The following MAN2A1 variants were observed in gnomAD, a reference collection of about 807,000 sequenced individuals.
MAN2A1 encodes the protein alpha-mannosidase 2.
MAN2A1 carries 76 observed loss-of-function variants against 142.6 expected under a neutral mutation model. The ratio of observed to expected loss-of-function variants is 0.53; its 90% CI spans 0.44 to 0.65. MAN2A1 has a LOEUF of 0.65. Ranked by LOEUF, MAN2A1 falls within the 30% of genes least tolerant of loss-of-function variation. The probability of loss-of-function intolerance (pLI) is 0.00; values close to 1 mark genes in which losing one functional copy is unlikely to be tolerated. For synonymous variants in MAN2A1, 559 were observed against 473.2 expected (o/e 1.18, Z -2.35); for missense variants, 1,311 against 1,365.1 (o/e 0.96, Z 0.62).
At chr5:109,858,613 C>T (rs958570643) in intron 20 of MAN2A1, among the ~76,000 whole-genome samples, 1 of 152,172 alleles carries the variant, frequency 6.6e-6, no homozygotes, top group Non-Finnish European at 1.5e-5. Context: ...GACATAGGTT[C>T]CAAGCAAGAC....
At chr5:109,815,459 C>A (rs1754428864) in intron 12 of MAN2A1, among the ~76,000 whole-genome samples, 1 of 152,182 alleles carries the variant, frequency 6.6e-6, no homozygotes. Flanking sequence ...CATATGGAAT[C>A]TCAGTGAACA....
intron 1 of MAN2A1, among the ~76,000 whole-genome samples, chr5:109,700,736 C>T (rs1334763606): frequency 6.6e-6 from 1 of 151,916 alleles, no homozygotes; most frequent in Non-Finnish European, 1.5e-5. Flanking sequence ...ATAAGGGCAC[C>T]GAGTCACACA....
intron 1 of MAN2A1, among the ~76,000 whole-genome samples, chr5:109,694,835 C>T (rs940772352): frequency 2.6e-5 from 4 of 152,092 alleles, no homozygotes; most frequent in African/African-American, 7.2e-5. Flanking sequence ...ATCTGTAAAT[C>T]TTACTTAAGA....
At chr5:109,863,291 A>C (rs1463685414) in intron 20 of MAN2A1, 1 of 152,248 alleles carries the variant, frequency 6.6e-6, no homozygotes, top group Non-Finnish European at 1.5e-5. Flanking sequence ...TTGTAATGTC[A>C]AATAAAGGAA....
At chr5:109,704,898 A>T (rs920307643) in intron 1 of MAN2A1, among the ~76,000 whole-genome samples, 3 of 152,094 alleles carry the variant, frequency 2.0e-5, no homozygotes, top group African/African-American at 7.2e-5. Context: ...ATTTGTTCCC[A>T]TTGCTTGAAA....
chr5:109,738,695 A>T (rs1274811395), intron 4 of MAN2A1, among the ~76,000 whole-genome samples: 1 of 152,212 alleles, frequency 6.6e-6, no homozygotes, highest in South Asian at 2.1e-4. Flanking sequence ...ATTAATTCAG[A>T]CAACATGCTT....
At chr5:109,788,455 A>G (rs1433796764) in intron 10 of MAN2A1, among the ~76,000 whole-genome samples, 1 of 151,918 alleles carries the variant, frequency 6.6e-6, no homozygotes, top group African/African-American at 2.4e-5. Flanking sequence ...CAAGAACATG[A>G]AACTAAATTA....
In MAN2A1 at chr5:109,801,181, G is replaced by A. The variant is rs995806615; in HGVS notation, c.1943+11654G>A. 4.6e-5 allele frequency among the ~76,000 whole-genome samples: 7 copies of A among 152,252 alleles called. No homozygotes were observed. In the East Asian group the frequency reaches 1.2e-3, roughly 25 times the overall value. On this transcript the variant is annotated intron_variant, in intron 12 of 21. Transcript: ENST00000261483. The stretch of plus-strand genomic sequence containing the variant: ...GTTAGGGCTCATGATGGGTTCCATG[G>A]TGCCGTCAAAAGTCCAGGCTGCTTT...
intron 3 of MAN2A1, among the ~76,000 whole-genome samples, chr5:109,728,899 T>A (rs1751821529): frequency 6.6e-6 from 1 of 152,206 alleles, no homozygotes; most frequent in Non-Finnish European, 1.5e-5. Context: ...TTTAACTTAT[T>A]TAATGGGTGA....
rs778541412 is a variant in MAN2A1 at position 109,842,498 on chromosome 5, A to G, written c.2700+37A>G. ...TTTAAAATGTTTAAGTAATGGTTGT[A>G]TTGGTGTGTAATTCTTATATATAAC... is the stretch of plus-strand genomic sequence containing the variant. On this transcript the variant is annotated intron_variant, in intron 17 of 21. Coordinates refer to ENST00000261483, the MANE Select transcript of MAN2A1 (RefSeq NM_002372.4). The G allele has an allele frequency of 7.1e-6, 10 of 1,403,092 alleles. No individual in the cohort carries two copies. In the African/African-American group the frequency reaches 1.2e-4, roughly 16 times the overall value. 86.9% of individuals were successfully genotyped at this position (1,403,092 alleles called of 1,614,324 possible).
intron 2 of MAN2A1, among the ~76,000 whole-genome samples, chr5:109,714,529 G>A (rs777571876): frequency 3.3e-5 from 5 of 152,112 alleles, no homozygotes; most frequent in Non-Finnish European, 4.4e-5. Context: ...CAATGGAGTC[G>A]AAAACCAGCA....
rs566677593 is a variant in MAN2A1 at position 109,690,282 on chromosome 5, C to T, written c.-136C>T. ...GACTAGGTGCGGAGCAAGGCGGGGA[C>T]TCGCACCCGCATCCGAGAGCGCGGA... On this transcript the variant is annotated 5_prime_UTR_variant, in exon 1 of 22. Coordinates refer to ENST00000261483, the MANE Select transcript of MAN2A1 (RefSeq NM_002372.4). The T allele has an allele frequency of 1.6e-5, 14 of 865,028 alleles. 1 individual carries two copies. In the South Asian group the frequency reaches 2.0e-4, roughly 12 times the overall value. 53.6% of individuals were successfully genotyped at this position (865,028 alleles called of 1,614,324 possible).
chr5:109,760,246 T>C (rs1344780398), intron 5 of MAN2A1, among the ~76,000 whole-genome samples: 5 of 152,192 alleles, frequency 3.3e-5, no homozygotes, highest in African/African-American at 1.2e-4. Flanking sequence ...TTTGGTTTTC[T>C]GTTCCTGTGT....
intron 12 of MAN2A1, among the ~76,000 whole-genome samples, chr5:109,805,173 T>G (rs1206080237): frequency 6.6e-6 from 1 of 152,168 alleles, no homozygotes; most frequent in Non-Finnish European, 1.5e-5. Flanking sequence ...GCAACTTAAT[T>G]GGTGACAAGA....
At chr5:109,702,058 G>A (rs1279440058) in intron 1 of MAN2A1, among the ~76,000 whole-genome samples, 1 of 152,154 alleles carries the variant, frequency 6.6e-6, no homozygotes, top group African/African-American at 2.4e-5. Flanking sequence ...GCAGGGCCAA[G>A]TACATTTCTG....
At chr5:109,700,212 A>T in intron 1 of MAN2A1, among the ~76,000 whole-genome samples, 1 of 151,714 alleles carries the variant, frequency 6.6e-6, no homozygotes, top group East Asian at 1.9e-4. Context: ...AAATCATTTT[A>T]CAACTCATTA....
At chr5:109,833,636 G>C (rs1227095073) in intron 16 of MAN2A1, among the ~76,000 whole-genome samples, 1 of 150,706 alleles carries the variant, frequency 6.6e-6, no homozygotes, top group East Asian at 2.0e-4. Context: ...TCCGGCCTCT[G>C]CTCGGCATCA....
intron 20 of MAN2A1, among the ~76,000 whole-genome samples, chr5:109,857,125 G>A (rs139436439): frequency 2.0e-5 from 3 of 152,320 alleles, no homozygotes; most frequent in Admixed American, 1.3e-4. Flanking sequence ...TGGGGGTAGA[G>A]TGCTCCAGGA....
intron 1 of MAN2A1, among the ~76,000 whole-genome samples, chr5:109,694,460 C>T (rs1183606931): frequency 2.0e-5 from 3 of 152,076 alleles, no homozygotes; most frequent in African/African-American, 7.2e-5. Flanking sequence ...TCTCCCACCT[C>T]AGCCTTCTGA....
Sources: gnomAD v4.1 joint callset for allele counts (sites outside exome capture counted in the v4.1 genomes callset) on GRCh38, gnomAD v4.1.1 for gene constraint, MANE v1.5 for transcripts, NCBI Gene and HGNC (gene_info 2026-07-23, HGNC 2026-07-21) for gene names.